The following CSMD1 variants were observed in gnomAD, a reference collection of about 807,000 sequenced individuals.
CSMD1 encodes the protein CUB and Sushi multiple domains 1, also known as CUB and sushi domain-containing protein 1.
In CSMD1, 213 loss-of-function variants were observed where a neutral mutation model predicts 417.5. The observed-to-expected ratio is 0.51, with a 90% CI of 0.46 to 0.57. CSMD1 has a LOEUF of 0.57. CSMD1 is among the 20% of genes least tolerant of loss of function. The pLI, the probability that CSMD1 is intolerant of heterozygous loss-of-function variation, is 0.00. For synonymous variants in CSMD1, 2,862 were observed against 1,736.8 expected, an observed-to-expected ratio of 1.65 and a Z score of -16.11; for missense variants, 6,923 against 4,529.7, an observed-to-expected ratio of 1.53 and a Z score of -15.17.
intron 3 of CSMD1, among the ~76,000 whole-genome samples, chr8:4,201,914 G>T (rs1013151823): frequency 7.0e-6 from 1 of 142,360 alleles, no homozygotes; most frequent in Non-Finnish European, 1.5e-5. Context: ...GCATTCATTT[G>T]CCATGCTCAA....
At chr8:3,666,254 T>C (rs1798688732) in intron 7 of CSMD1, among the ~76,000 whole-genome samples, 1 of 148,724 alleles carries the variant, frequency 6.7e-6, no homozygotes, top group South Asian at 2.2e-4. Context: ...TCCATTTCTA[T>C]TCCTCACAGG....
intron 1 of CSMD1, among the ~76,000 whole-genome samples, chr8:4,730,706 A>AGT (rs1809792261): frequency 1.3e-5 from 2 of 151,998 alleles, no homozygotes; most frequent in African/African-American, 4.8e-5. Flanking sequence ...GTGCCACTGC[A>AGT]CTCCAGCCTG....
chr8:4,793,163 A>G (rs1365030635), intron 1 of CSMD1, among the ~76,000 whole-genome samples: 2 of 152,120 alleles, frequency 1.3e-5, no homozygotes, highest in African/African-American at 4.8e-5. Context: ...TTAACCTTCA[A>G]TGTCCTTGAT....
chr8:4,464,393 C>T (rs780959014), intron 2 of CSMD1, among the ~76,000 whole-genome samples: 8 of 152,170 alleles, frequency 5.3e-5, no homozygotes, highest in Non-Finnish European at 1.2e-4. Flanking sequence ...ATATACCTAA[C>T]CTGCAAAACA....
intron 3 of CSMD1, among the ~76,000 whole-genome samples, chr8:4,191,350 C>G (rs184542239): frequency 6.6e-6 from 1 of 151,972 alleles, no homozygotes. Context: ...GAGCAGAGAT[C>G]GCGCCACTGC....
chr8:2,994,910 A>G (rs1585112569), intron 54 of CSMD1, among the ~76,000 whole-genome samples: 1 of 152,238 alleles, frequency 6.6e-6, no homozygotes, highest in Non-Finnish European at 1.5e-5. Flanking sequence ...ACTTTATACA[A>G]AAATTAACAC....
In CSMD1 at chr8:2,936,461, A is replaced by T. The variant is rs572299607; in HGVS notation, c.*2124T>A. On this transcript the variant is annotated 3_prime_UTR_variant, in exon 70 of 70. Transcript: ENST00000635120. ...GCACACGAGCCTCCTCACACTTTCA[A>T]TCATCTTCTGTTTCGTTCAATGTGT... 6.6e-6 allele frequency: 1 copy of T among 151,250 alleles called. No homozygotes were observed. Among genetic ancestry groups the T allele is most frequent in the Non-Finnish European group, 1.5e-5 (1 of 67,874 alleles). The allele number at this position is 151,250 out of a possible 1,614,324, so 9.4% of individuals were successfully genotyped here. A position where few individuals can be genotyped will look rare whatever the true frequency, so the allele number is the denominator to read the frequency against.
chr8:3,256,173 T>G (rs886737214), intron 26 of CSMD1, among the ~76,000 whole-genome samples: 1 of 151,524 alleles, frequency 6.6e-6, no homozygotes, highest in Non-Finnish European at 1.5e-5. Flanking sequence ...ACTAAAAATA[T>G]AAAAATTAGC....
intron 3 of CSMD1, among the ~76,000 whole-genome samples, chr8:4,407,331 CAT>C (rs1207132250): frequency 1.1e-4 from 17 of 152,152 alleles, no homozygotes; most frequent in Non-Finnish European, 2.5e-4. Context: ...GAAATGAAAA[CAT>C]ATACAATAAC....
chr8:2,992,063 C>T (rs999391238), intron 54 of CSMD1, among the ~76,000 whole-genome samples: 1 of 152,170 alleles, frequency 6.6e-6, no homozygotes, highest in African/African-American at 2.4e-5. Context: ...TATAGCAATT[C>T]TTTCAATATT....
At chr8:4,202,805 A>G (rs1033725058) in intron 3 of CSMD1, among the ~76,000 whole-genome samples, 1 of 152,220 alleles carries the variant, frequency 6.6e-6, no homozygotes, top group East Asian at 1.9e-4. Context: ...CAAACGTCAG[A>G]AAATACCTAG....
intron 1 of CSMD1, among the ~76,000 whole-genome samples, chr8:4,898,217 G>A (rs142004377): frequency 6.6e-6 from 1 of 152,078 alleles, no homozygotes; most frequent in African/African-American, 2.4e-5. Context: ...TGATTAAAAC[G>A]CACACATGAA....
intron 20 of CSMD1, among the ~76,000 whole-genome samples, chr8:3,366,635 C>G (rs17065957): frequency 2.0e-5 from 3 of 152,094 alleles, no homozygotes; most frequent in African/African-American, 7.2e-5. Flanking sequence ...AATATTGGCA[C>G]CTACCGTAGG....
At chr8:4,773,888 C>T (rs1158131111) in intron 1 of CSMD1, among the ~76,000 whole-genome samples, 3 of 152,180 alleles carry the variant, frequency 2.0e-5, no homozygotes, top group Non-Finnish European at 4.4e-5. Context: ...ATTAAATACG[C>T]TTTCTAACAC....
chr8:3,257,716 G>A (rs1207069461), intron 26 of CSMD1, among the ~76,000 whole-genome samples: 1 of 152,126 alleles, frequency 6.6e-6, no homozygotes, highest in South Asian at 2.1e-4. Flanking sequence ...TGGGCCTAGA[G>A]CCTTGTTGGA....
intron 3 of CSMD1, among the ~76,000 whole-genome samples, chr8:4,292,292 G>T (rs553642873): frequency 2.0e-5 from 3 of 151,970 alleles, no homozygotes; most frequent in Non-Finnish European, 1.5e-5. Context: ...TCGCTCTGTC[G>T]CCCAGGCTGG....
chr8:3,175,686 GCTT>G (rs768301669), intron 37 of CSMD1, among the ~76,000 whole-genome samples: 24,846 of 151,666 alleles, frequency 0.16, 2,563 homozygotes, highest in African/African-American at 0.29. Flanking sequence ...TACGAGCAGA[GCTT>G]CAGACGTGGG....
At chr8:4,524,914 A>C (rs541513698) in intron 2 of CSMD1, among the ~76,000 whole-genome samples, 1 of 152,324 alleles carries the variant, frequency 6.6e-6, no homozygotes, top group South Asian at 2.1e-4. Flanking sequence ...AAACTTTAAC[A>C]GCATTGCCAC....
At chr8:3,685,040 C>G (rs1483655018) in intron 7 of CSMD1, among the ~76,000 whole-genome samples, 1 of 152,060 alleles carries the variant, frequency 6.6e-6, no homozygotes. Flanking sequence ...CAGCATCATC[C>G]AAGCCCAGTT....
Sources: allele counts gnomAD v4.1 joint callset (sites outside exome capture counted in the v4.1 genomes callset), GRCh38; gene constraint gnomAD v4.1.1; transcripts MANE v1.5; gene names NCBI Gene and HGNC (gene_info 2026-07-23, HGNC 2026-07-21).